Variants in ETFBKMT observed in about 807,000 individuals in gnomAD.
The protein encoded by ETFBKMT is electron transfer flavoprotein beta subunit lysine methyltransferase.
A neutral mutation model predicts 18.3 loss-of-function variants in ETFBKMT; 13 were observed. The ratio of observed to expected loss-of-function variants is 0.71; its 90% confidence interval spans 0.46 to 1.13. The LOEUF is 1.13. Ranked by LOEUF, ETFBKMT falls within the 50% of genes most tolerant of loss-of-function variation. The pLI is 0.00. For synonymous variants in ETFBKMT, 84 were observed against 107.9 expected, an observed-to-expected ratio of 0.78 and a Z score of 1.37; for missense variants, 293 against 306.2, an observed-to-expected ratio of 0.96 and a Z score of 0.32.
chr12:31,666,685 C>T (rs184974928), intron 3 of ETFBKMT, among the ~76,000 whole-genome samples: 1 of 152,238 alleles, frequency 6.6e-6, no homozygotes, highest in East Asian at 1.9e-4. Context: ...GAGTCTCCCT[C>T]TGTCACCCAG....
In ETFBKMT at chr12:31,668,177, A is replaced by G. The variant is rs7300260; in HGVS notation, c.*187A>G. ...TGTAACTGGTTCTGTATTTCTATGC[A>G]TGCCAATTATACACATCTCTATCTG... is the stretch of plus-strand genomic sequence containing the variant. On this transcript the variant is annotated 3_prime_UTR_variant, in exon 4 of 4. Coordinates refer to ENST00000357721, the MANE Select transcript of ETFBKMT (RefSeq NM_001135863.2). The G allele has an allele frequency of 0.27, 145,506 of 548,964 alleles. 22,583 individuals carry two copies. Among genetic ancestry groups the G allele is most frequent in the Non-Finnish European group, 0.33 (103,926 of 314,970 alleles). The allele number at this position is 548,964 out of a possible 1,614,324, so 34.0% of individuals were successfully genotyped here.
intron 2 of ETFBKMT, among the ~76,000 whole-genome samples, chr12:31,663,078 CT>C (rs879304224): frequency 2.0e-5 from 3 of 151,838 alleles, no homozygotes; most frequent in African/African-American, 7.3e-5. Flanking sequence ...AGTGATACCC[CT>C]ATCTCTACAA....
At chr12:31,665,992 T>C (rs1951189192) in intron 2 of ETFBKMT, 95 bp from the exon 3 acceptor site, 2 of 1,083,434 alleles carry the variant, frequency 1.8e-6, no homozygotes, top group Non-Finnish European at 2.6e-6. Flanking sequence ...TTATAGCCAG[T>C]TTTGGGGCCA....
chr12:31,662,601 T>C (rs1951140633), intron 2 of ETFBKMT, among the ~76,000 whole-genome samples: 1 of 151,520 alleles, frequency 6.6e-6, no homozygotes, highest in Non-Finnish European at 1.5e-5. Flanking sequence ...AGTGCTGGTA[T>C]TACAGACATG....
upstream of ETFBKMT, among the ~76,000 whole-genome samples, chr12:31,655,431 T>C (rs896935075): frequency 1.3e-5 from 2 of 152,186 alleles, no homozygotes; most frequent in Non-Finnish European, 2.9e-5. Flanking sequence ...AACAAGGACA[T>C]GTCAACTGTC....
Position 31,667,654 on chromosome 12 carries a change from A to T in ETFBKMT, c.453A>T (p.Gly151=), listed in dbSNP as rs1228286425. 1 of 1,591,154 alleles carries T rather than the reference A, an allele frequency of 6.3e-7. No homozygotes were observed. The highest frequency in any genetic ancestry group is 8.5e-7 in the Non-Finnish European group (1 of 1,169,946). ...GCTTTTTTTTTTTTTAAGTTGCAGG[A>T]ATGGCTATTACACTAAATTGTGAAT... The part of the protein sequence containing the change: ...ILANDIDPIA[G]MAITLNCELN... Residue 151 remains glycine, a synonymous_variant, in exon 4 of 4, where the codon GGA becomes GGT. Transcript: ENST00000357721.
chr12:31,662,452 A>T (rs1206502022), intron 2 of ETFBKMT, among the ~76,000 whole-genome samples, 185 bp downstream of exon 2: 2 of 151,732 alleles, frequency 1.3e-5, no homozygotes, highest in Non-Finnish European at 2.9e-5. Flanking sequence ...TGTCTCAAAA[A>T]CAAAACAGAA....
In ETFBKMT at chr12:31,666,136, C is replaced by T. The variant is rs752477381; in HGVS notation, c.364C>T (p.Leu122Phe). The T allele has an allele frequency of 1.5e-5, 24 of 1,613,548 alleles. No homozygotes were observed. The highest frequency in any genetic ancestry group is 2.0e-5 in the Non-Finnish European group (24 of 1,179,702). ...DVVRGKSVLD[L>F]GSGCGATAIA... ...TGTCAGAGGAAAATCTGTATTAGAT[C>T]TTGGGAGTGGATGTGGAGCTACAGC... The change falls in exon 3 of 4, where the codon CTT (leucine) becomes TTT (phenylalanine). Residue 122 changes from leucine to phenylalanine, a missense_variant. Physicochemically the swap from Leu to Phe is conservative, Grantham distance 22. Coordinates refer to ENST00000357721, the MANE Select transcript of ETFBKMT (RefSeq NM_001135863.2).
At chr12:31,650,095 G>C (rs1466959766) in intron 1 of ETFBKMT, among the ~76,000 whole-genome samples, 1 of 58,704 alleles carries the variant, frequency 1.7e-5, no homozygotes, top group Non-Finnish European at 3.7e-5. Context: ...ATCTCGAATA[G>C]GGGCTGGTTA....
At chr12:31,665,627 T>C (rs1434728318) in intron 2 of ETFBKMT, among the ~76,000 whole-genome samples, 1 of 152,142 alleles carries the variant, frequency 6.6e-6, no homozygotes, top group Non-Finnish European at 1.5e-5. Context: ...AAATCAGGCG[T>C]CTCACAGCCT....
intron 2 of ETFBKMT, among the ~76,000 whole-genome samples, chr12:31,663,543 A>G (rs1951156170): frequency 1.3e-5 from 2 of 152,218 alleles, no homozygotes; most frequent in South Asian, 4.1e-4. Flanking sequence ...CTATTTAGAC[A>G]GGGCATGTAT....
upstream of ETFBKMT, among the ~76,000 whole-genome samples, chr12:31,655,035 G>A (rs1346908587): frequency 4.1e-5 from 6 of 146,892 alleles, no homozygotes; most frequent in African/African-American, 1.5e-4. Flanking sequence ...CAGCCTGGGC[G>A]ACAGAGTGAG....
intron 1 of ETFBKMT, among the ~76,000 whole-genome samples, chr12:31,648,595 G>A (rs796693528): frequency 9.7e-5 from 12 of 123,356 alleles, no homozygotes; most frequent in Non-Finnish European, 1.7e-4. Flanking sequence ...ACGGAGTCTC[G>A]CTGTCTCCCA....
rs764501978 is a variant in ETFBKMT at position 31,648,557 on chromosome 12, CTTTT to C, written c.-114+1323_-114+1326del. Among the ~76,000 whole-genome samples, 6 of 82,982 alleles carry C rather than the reference CTTTT, an allele frequency of 7.2e-5. No homozygotes were observed. In the East Asian group the frequency reaches 1.5e-3, roughly 20 times the overall value. 54.4% of individuals were successfully genotyped at this position (82,982 alleles called of 152,430 possible). A position where few individuals can be genotyped will look rare whatever the true frequency, so the allele number is the denominator to read the frequency against. ...TTATATTTTTAGTAGAGATGGGTTTCTTTTTTTTTTTTTTTTTTTTTTTTGAGAC... is the reference window on the plus strand; with the variant it reads ...TTATATTTTTAGTAGAGATGGGTTTCTTTTTTTTTTTTTTTTTTTTGAGAC... On this transcript the variant is annotated intron_variant, in intron 1 of 3. Coordinates refer to the ETFBKMT transcript ENST00000412352.
intron 1 of ETFBKMT, among the ~76,000 whole-genome samples, chr12:31,648,859 C>A (rs1950991745): frequency 6.6e-6 from 1 of 152,060 alleles, no homozygotes; most frequent in South Asian, 2.1e-4. Context: ...CCGCGCCCAG[C>A]CCTGTGACGG....
chr12:31,666,013 A>C, intron 2 of ETFBKMT, 74 bp from the exon 3 acceptor site: 1 of 1,401,470 alleles, frequency 7.1e-7, no homozygotes, highest in Non-Finnish European at 9.6e-7. Context: ...GTTTATGGCC[A>C]GATTTTGGGG....
chr12:31,665,185 C>T (rs1951178476), intron 2 of ETFBKMT, among the ~76,000 whole-genome samples: 1 of 151,702 alleles, frequency 6.6e-6, no homozygotes, highest in South Asian at 2.1e-4. Context: ...GATCCACCTG[C>T]TCAGCCTCCC....
intron 1 of ETFBKMT, among the ~76,000 whole-genome samples, chr12:31,648,359 AGT>A (rs1950984492): frequency 1.6e-5 from 2 of 127,784 alleles, no homozygotes; most frequent in African/African-American, 2.8e-5. Context: ...TGATGTAAAT[AGT>A]TTTTTTTTTT....
chr12:31,650,622 C>A (rs1000666135), intron 1 of ETFBKMT, among the ~76,000 whole-genome samples: 6 of 100,240 alleles, frequency 6.0e-5, no homozygotes, highest in African/African-American at 2.5e-4. Context: ...TTGAAATGAC[C>A]TGACCTTTTT....
Sources: gnomAD v4.1 joint callset for allele counts (sites outside exome capture counted in the v4.1 genomes callset) on GRCh38, gnomAD v4.1.1 for gene constraint, MANE v1.5 for transcripts, NCBI Gene and HGNC (gene_info 2026-07-23, HGNC 2026-07-21) for gene names.